PRKCA: variants seen among roughly 807,000 people sequenced by gnomAD.
PRKCA encodes protein kinase C alpha type.
PRKCA carries 27 observed loss-of-function variants against 87.0 expected under a neutral mutation model. The ratio of observed to expected loss-of-function variants is 0.31; its 90% CI spans 0.23 to 0.43. The LOEUF (loss-of-function observed/expected upper bound fraction) is 0.43. Ranked by LOEUF, PRKCA falls within the 20% of genes least tolerant of loss-of-function variation. PRKCA has a pLI of 1.00. For synonymous variants in PRKCA, 329 were observed against 311.1 expected, an observed-to-expected ratio of 1.06 and a Z score of -0.61; for missense variants, 518 against 852.3, an observed-to-expected ratio of 0.61 and a Z score of 4.88.
At chr17:66,758,142 G>A (rs149242712) in intron 13 of PRKCA, among the ~76,000 whole-genome samples, 259 of 152,320 alleles carry the variant, frequency 1.7e-3, no homozygotes, top group East Asian at 0.015. Flanking sequence ...TGCACCAGCC[G>A]TGGGCAGCCC....
intron 2 of PRKCA, among the ~76,000 whole-genome samples, chr17:66,308,624 A>G (rs1904942272): frequency 6.6e-6 from 1 of 152,044 alleles, no homozygotes; most frequent in African/African-American, 2.4e-5. Flanking sequence ...AATAGTATAC[A>G]TTTATTTGTA....
intron 8 of PRKCA, among the ~76,000 whole-genome samples, chr17:66,731,648 C>T (rs1244101617): frequency 6.6e-6 from 1 of 152,156 alleles, no homozygotes; most frequent in Non-Finnish European, 1.5e-5. Context: ...GACATGGACT[C>T]TGAGGCCCTG....
chr17:66,443,060 C>G (rs1913856736), intron 2 of PRKCA, among the ~76,000 whole-genome samples: 1 of 152,170 alleles, frequency 6.6e-6, no homozygotes, highest in Non-Finnish European at 1.5e-5. Context: ...CATTTGATCT[C>G]TTGGACTCCC....
At chr17:66,782,984 C>G (rs769052336) in intron 14 of PRKCA, among the ~76,000 whole-genome samples, 2 of 152,240 alleles carry the variant, frequency 1.3e-5, no homozygotes, top group Non-Finnish European at 2.9e-5. Flanking sequence ...ATGAACGCCA[C>G]TGTGGTCACT....
At chr17:66,576,819 G>C (rs887594424) in intron 3 of PRKCA, among the ~76,000 whole-genome samples, 16 of 151,318 alleles carry the variant, frequency 1.1e-4, no homozygotes, top group Admixed American at 3.9e-4. Context: ...TGTGTTCGCT[G>C]TCTCTCATTT....
intron 2 of PRKCA, among the ~76,000 whole-genome samples, chr17:66,376,266 A>G (rs773136332): frequency 6.6e-6 from 1 of 152,148 alleles, no homozygotes; most frequent in Non-Finnish European, 1.5e-5. Flanking sequence ...AGACAAGCTA[A>G]CTGCTATGGG....
chr17:66,370,057 C>T (rs1909000309), intron 2 of PRKCA, among the ~76,000 whole-genome samples: 1 of 152,108 alleles, frequency 6.6e-6, no homozygotes, highest in Non-Finnish European at 1.5e-5. Context: ...GGACAACAGT[C>T]ATAAACCAGG....
At chr17:66,389,071 C>T (rs1378096724) in intron 2 of PRKCA, among the ~76,000 whole-genome samples, 4 of 152,184 alleles carry the variant, frequency 2.6e-5, no homozygotes, top group African/African-American at 9.7e-5. Flanking sequence ...TAAGAAACAG[C>T]ATCATGTATA....
At chr17:66,504,939 C>T (rs779299161) in intron 3 of PRKCA, among the ~76,000 whole-genome samples, 18 of 152,138 alleles carry the variant, frequency 1.2e-4, no homozygotes, top group African/African-American at 1.7e-4. Flanking sequence ...CATGTCCTGT[C>T]GGGACCCCCC....
chr17:66,649,096 TCA>T (rs1971523067), intron 5 of PRKCA, among the ~76,000 whole-genome samples: 1 of 127,350 alleles, frequency 7.9e-6, no homozygotes. Flanking sequence ...AGAGTCCATC[TCA>T]AAAAAAAAAA....
At chr17:66,721,761 T>C (rs1973622566) in intron 8 of PRKCA, among the ~76,000 whole-genome samples, 7 of 152,232 alleles carry the variant, frequency 4.6e-5, no homozygotes, top group Admixed American at 4.6e-4. Flanking sequence ...CATCCTGTTT[T>C]ATCATGAGGG....
chr17:66,727,031 T>A (rs565278998), intron 8 of PRKCA, among the ~76,000 whole-genome samples: 3 of 152,126 alleles, frequency 2.0e-5, no homozygotes, highest in Non-Finnish European at 2.9e-5. Context: ...GCTTCTGCTG[T>A]CATTTTAGCA....
chr17:66,496,153 A>G (rs746624411), intron 2 of PRKCA, 48 bp from the exon 3 acceptor site: 9 of 1,422,858 alleles, frequency 6.3e-6, no homozygotes, highest in East Asian at 4.6e-5. Context: ...TAAAGCTCGT[A>G]TGTTAAATCA....
chr17:66,357,323 A>G (rs1203496418), intron 2 of PRKCA, among the ~76,000 whole-genome samples: 1 of 152,106 alleles, frequency 6.6e-6, no homozygotes, highest in Non-Finnish European at 1.5e-5. Context: ...TTCTGCTTTT[A>G]TTACTATTAT....
At chr17:66,648,292 A>G (rs1567953645) in intron 5 of PRKCA, among the ~76,000 whole-genome samples, 1 of 152,242 alleles carries the variant, frequency 6.6e-6, no homozygotes, top group Non-Finnish European at 1.5e-5. Context: ...ATCTGAAGAT[A>G]TGAATTCAGA....
chr17:66,323,831 T>C (rs1348481005), intron 2 of PRKCA, among the ~76,000 whole-genome samples: 1 of 152,122 alleles, frequency 6.6e-6, no homozygotes, highest in African/African-American at 2.4e-5. Flanking sequence ...TCCCAGCTAC[T>C]GTGGAGGCTG....
At chr17:66,582,613 G>A (rs1222100070) in intron 3 of PRKCA, among the ~76,000 whole-genome samples, 5 of 122,558 alleles carry the variant, frequency 4.1e-5, no homozygotes, top group Non-Finnish European at 8.4e-5. Context: ...GGAACTGTGA[G>A]TCCATTAAAC....
At chr17:66,482,368 G>A (rs1398081325) in intron 2 of PRKCA, among the ~76,000 whole-genome samples, 1 of 152,122 alleles carries the variant, frequency 6.6e-6, no homozygotes, top group African/African-American at 2.4e-5. Context: ...GAGCTCACTC[G>A]CTGCTCACCC....
At chr17:66,486,004 A>G (rs778437392) in intron 2 of PRKCA, among the ~76,000 whole-genome samples, 20 of 152,156 alleles carry the variant, frequency 1.3e-4, no homozygotes, top group Non-Finnish European at 2.6e-4. Flanking sequence ...TGGGTTTTGG[A>G]TGTTCAGACA....
Sources: allele counts gnomAD v4.1 joint callset (sites outside exome capture counted in the v4.1 genomes callset), GRCh38; gene constraint gnomAD v4.1.1; transcripts MANE v1.5; gene names NCBI Gene and HGNC (gene_info 2026-07-23, HGNC 2026-07-21).